The following HS3ST3A1 variants were observed in gnomAD, a reference collection of about 807,000 sequenced individuals.
The protein encoded by HS3ST3A1 is heparan sulfate glucosamine 3-O-sulfotransferase 3A1.
HS3ST3A1 carries 19 observed loss-of-function variants against 25.7 expected under a neutral mutation model. The ratio of observed to expected loss-of-function variants is 0.74; its 90% CI spans 0.52 to 1.08. The LOEUF (loss-of-function observed/expected upper bound fraction) is 1.08. HS3ST3A1 is among the 50% of genes least tolerant of loss of function. The probability of loss-of-function intolerance (pLI) is 0.00; values close to 1 mark genes in which losing one functional copy is unlikely to be tolerated. For missense variants in HS3ST3A1, 459 were observed against 594.3 expected (o/e 0.77, Z 2.37); for synonymous variants, 226 against 278.6 (o/e 0.81, Z 1.88).
intron 1 of HS3ST3A1, among the ~76,000 whole-genome samples, chr17:13,571,333 C>G (rs745382018): frequency 9.2e-5 from 14 of 152,218 alleles, no homozygotes; most frequent in Non-Finnish European, 1.9e-4. Flanking sequence ...TTAATTGGAT[C>G]TATAAATTAT....
chr17:13,560,289 CA>C (rs10632927), intron 1 of HS3ST3A1, among the ~76,000 whole-genome samples: 386 of 17,278 alleles, frequency 0.022, no homozygotes, highest in African/African-American at 0.052. Context: ...CACTCGTCTC[CA>C]AAAAAAAAAA....
At chr17:13,587,732 G>GA (rs879342545) in intron 1 of HS3ST3A1, among the ~76,000 whole-genome samples, 4 of 151,494 alleles carry the variant, frequency 2.6e-5, no homozygotes, top group Non-Finnish European at 4.4e-5. Flanking sequence ...GATTAAGCTT[G>GA]AAAAAAAAGA....
At chr17:13,553,535 TC>T (rs1907296134) in intron 1 of HS3ST3A1, among the ~76,000 whole-genome samples, 2 of 152,330 alleles carry the variant, frequency 1.3e-5, no homozygotes, top group Middle Eastern at 3.4e-3. Context: ...TCAAGACCTG[TC>T]CAGATTAGAT....
intron 1 of HS3ST3A1, among the ~76,000 whole-genome samples, chr17:13,535,197 T>C (rs1461323076): frequency 6.6e-6 from 1 of 152,200 alleles, no homozygotes; most frequent in African/African-American, 2.4e-5. Context: ...ACACATTATT[T>C]AATATATAGT....
chr17:13,505,182 G>C (rs905422904), intron 1 of HS3ST3A1, among the ~76,000 whole-genome samples: 1 of 152,158 alleles, frequency 6.6e-6, no homozygotes, highest in Non-Finnish European at 1.5e-5. Flanking sequence ...CAGCAGATAA[G>C]AGAAAGTCAG....
intron 1 of HS3ST3A1, among the ~76,000 whole-genome samples, chr17:13,560,954 T>A (rs1015449246): frequency 2.0e-5 from 3 of 152,190 alleles, no homozygotes; most frequent in African/African-American, 7.2e-5. Context: ...CCATGTAGCC[T>A]ATGGGAGAGG....
intron 1 of HS3ST3A1, among the ~76,000 whole-genome samples, chr17:13,589,492 C>CTTTTGA (rs1339363993): frequency 6.6e-6 from 1 of 152,136 alleles, no homozygotes. Context: ...GGGGAAAGCC[C>CTTTTGA]TTTTGAACAA....
At chr17:13,519,844 A>G (rs1598412125) in intron 1 of HS3ST3A1, among the ~76,000 whole-genome samples, 1 of 152,186 alleles carries the variant, frequency 6.6e-6, no homozygotes, top group Non-Finnish European at 1.5e-5. Context: ...TTAAGCTTCA[A>G]CCAATAGTTT....
intron 1 of HS3ST3A1, among the ~76,000 whole-genome samples, chr17:13,556,495 G>A (rs1054430164): frequency 2.8e-5 from 3 of 106,076 alleles, no homozygotes; most frequent in African/African-American, 4.6e-5. Flanking sequence ...GCGACAGAGC[G>A]AGACTTTGTC....
chr17:13,592,892 C>T (rs988632408), intron 1 of HS3ST3A1, among the ~76,000 whole-genome samples: 1 of 152,026 alleles, frequency 6.6e-6, no homozygotes, highest in African/African-American at 2.4e-5. Context: ...AGCTGGGAGT[C>T]TGGCTGAGCA....
chr17:13,526,458 G>A (rs1906423087), intron 1 of HS3ST3A1, among the ~76,000 whole-genome samples: 1 of 116,338 alleles, frequency 8.6e-6, no homozygotes, highest in Non-Finnish European at 1.7e-5. Flanking sequence ...ATTGAACTTG[G>A]ATACAACTTT....
In HS3ST3A1 at chr17:13,495,917, G is replaced by T; in HGVS notation, c.*280C>A. On this transcript the variant is annotated 3_prime_UTR_variant, in exon 2 of 2. Transcript: ENST00000284110. The stretch of plus-strand genomic sequence containing the variant: ...TCAAGATTTTCTGAAAACTTTTAAT[G>T]ACAACTGATGCTTATACTTTATGAC... The T allele has an allele frequency of 3.6e-6, 1 of 276,268 alleles. No individual in the cohort carries two copies. The highest frequency in any genetic ancestry group is 6.6e-6 in the Non-Finnish European group (1 of 151,228). 17.1% of individuals were successfully genotyped at this position (276,268 alleles called of 1,614,324 possible).
At chr17:13,506,845 TCAG>T (rs1905694301) in intron 1 of HS3ST3A1, among the ~76,000 whole-genome samples, 1 of 148,960 alleles carries the variant, frequency 6.7e-6, no homozygotes, top group Non-Finnish European at 1.5e-5. Context: ...TCGCCTGAGC[TCAG>T]GAGTTCGAGG....
intron 1 of HS3ST3A1, among the ~76,000 whole-genome samples, chr17:13,564,651 T>C (rs1254477184): frequency 6.6e-6 from 1 of 152,082 alleles, no homozygotes; most frequent in Non-Finnish European, 1.5e-5. Flanking sequence ...TGGAGATTGG[T>C]TGAATCCCTG....
chr17:13,552,859 T>C (rs764894755), intron 1 of HS3ST3A1, among the ~76,000 whole-genome samples: 1 of 152,182 alleles, frequency 6.6e-6, no homozygotes, highest in African/African-American at 2.4e-5. Context: ...TTCCATTGCA[T>C]GCACATTATT....
chr17:13,528,111 G>A (rs8077058), intron 1 of HS3ST3A1, among the ~76,000 whole-genome samples: 2 of 152,212 alleles, frequency 1.3e-5, no homozygotes, highest in South Asian at 2.1e-4. Flanking sequence ...ATTCAGAATG[G>A]ATCATACAGT....
intron 1 of HS3ST3A1, among the ~76,000 whole-genome samples, chr17:13,594,536 T>C (rs1288261014): frequency 6.6e-6 from 1 of 152,178 alleles, no homozygotes; most frequent in Non-Finnish European, 1.5e-5. Flanking sequence ...TTACTGATGT[T>C]GAAATAAAAT....
chr17:13,593,870 A>G (rs1908504497), intron 1 of HS3ST3A1, among the ~76,000 whole-genome samples: 1 of 152,132 alleles, frequency 6.6e-6, no homozygotes, highest in Admixed American at 6.5e-5. Flanking sequence ...TTATTAACTA[A>G]ACTGCATACA....
intron 1 of HS3ST3A1, among the ~76,000 whole-genome samples, chr17:13,512,656 A>G (rs1905915653): frequency 6.6e-6 from 1 of 152,214 alleles, no homozygotes; most frequent in African/African-American, 2.4e-5. Context: ...CCTTTTCATA[A>G]AACATTTTTC....
Sources: allele counts gnomAD v4.1 joint callset (sites outside exome capture counted in the v4.1 genomes callset), GRCh38; gene constraint gnomAD v4.1.1; transcripts MANE v1.5; gene names NCBI Gene and HGNC (gene_info 2026-07-23, HGNC 2026-07-21).